PGM5: variants seen among roughly 807,000 people sequenced by gnomAD.
PGM5 encodes phosphoglucomutase 5.
Under a neutral mutation model 59.2 loss-of-function variants are expected in PGM5, and 23 were observed. The observed-to-expected ratio is 0.39, with a 90% confidence interval of 0.28 to 0.55. The LOEUF is 0.55. PGM5 is among the 20% of genes least tolerant of loss of function. The pLI, the probability that PGM5 is intolerant of heterozygous loss-of-function variation, is 0.66. For missense variants in PGM5, 574 were observed against 748.3 expected (o/e 0.77, Z 2.72); for synonymous variants, 214 against 286.0 (o/e 0.75, Z 2.54).
intron 9 of PGM5, among the ~76,000 whole-genome samples, chr9:68,491,267 C>T (rs572729542): frequency 1.3e-4 from 20 of 152,252 alleles, no homozygotes; most frequent in South Asian, 2.1e-4. Context: ...GTGTGCATAG[C>T]GGGGGAAACT....
At chr9:68,366,578 A>C (rs1554676705) in intron 1 of PGM5, among the ~76,000 whole-genome samples, 1 of 152,286 alleles carries the variant, frequency 6.6e-6, no homozygotes, top group African/African-American at 2.4e-5. Context: ...TTTCCTATCT[A>C]TTCCATATAC....
chr9:68,376,475 CTGTGTGTGTGTGTGTGTG>C (rs71353047), intron 1 of PGM5, among the ~76,000 whole-genome samples: 20 of 129,646 alleles, frequency 1.5e-4, no homozygotes, highest in East Asian at 4.8e-4. Context: ...TGCTTTTGAG[CTGTGTGTGTGTGTGTGTG>C]TGTGTGTGTG....
chr9:68,358,425 C>T (rs1343187592), intron 1 of PGM5, among the ~76,000 whole-genome samples: 1 of 152,230 alleles, frequency 6.6e-6, no homozygotes, highest in East Asian at 1.9e-4. Flanking sequence ...AGGACATCTA[C>T]AAGAGGGATA....
intron 6 of PGM5, among the ~76,000 whole-genome samples, chr9:68,457,892 A>G (rs1823803343): frequency 6.6e-6 from 1 of 152,220 alleles, no homozygotes; most frequent in Non-Finnish European, 1.5e-5. Flanking sequence ...AAGATGATTC[A>G]TGTCTTGCTA....
At chr9:68,407,182 G>A (rs1306874721) in intron 6 of PGM5, among the ~76,000 whole-genome samples, 1 of 152,080 alleles carries the variant, frequency 6.6e-6, no homozygotes, top group Non-Finnish European at 1.5e-5. Context: ...CTAGGCTGGA[G>A]GGCAGTGGCA....
chr9:68,387,692 C>G (rs1822262696), intron 4 of PGM5, 104 bp downstream of exon 4: 1 of 1,099,396 alleles, frequency 9.1e-7, no homozygotes. Flanking sequence ...TAGATATTCA[C>G]ACAACATGTG....
chr9:68,489,394 A>G (rs1824350032), intron 9 of PGM5, among the ~76,000 whole-genome samples: 1 of 151,584 alleles, frequency 6.6e-6, no homozygotes, highest in African/African-American at 2.4e-5. Context: ...TAAGCAACTG[A>G]GTCTCTTTTT....
At chr9:68,444,437 G>A (rs1554683894) in intron 6 of PGM5, among the ~76,000 whole-genome samples, 1 of 152,190 alleles carries the variant, frequency 6.6e-6, no homozygotes, top group East Asian at 1.9e-4. Context: ...GGAATGCAAT[G>A]GAAGGATAAG....
intron 6 of PGM5, among the ~76,000 whole-genome samples, chr9:68,418,218 G>A (rs1823068809): frequency 6.6e-6 from 1 of 152,136 alleles, no homozygotes; most frequent in African/African-American, 2.4e-5. Flanking sequence ...AGTCATATCA[G>A]CCTGCCCACA....
At chr9:68,483,379 C>T (rs1824231583) in intron 8 of PGM5, among the ~76,000 whole-genome samples, 1 of 152,038 alleles carries the variant, frequency 6.6e-6, no homozygotes, top group South Asian at 2.1e-4. Context: ...AAGGAAAGAA[C>T]GAGCCTGGTA....
At chr9:68,375,294 A>C (rs1309314265) in intron 1 of PGM5, among the ~76,000 whole-genome samples, 3 of 152,200 alleles carry the variant, frequency 2.0e-5, no homozygotes, top group Middle Eastern at 3.2e-3. Flanking sequence ...CAAAAAGGCA[A>C]AAATGCCAAA....
intron 1 of PGM5, among the ~76,000 whole-genome samples, chr9:68,368,832 A>ATGAGG (rs782125620): frequency 1.3e-5 from 2 of 152,042 alleles, no homozygotes; most frequent in Non-Finnish European, 1.5e-5. Context: ...TTTTGTAGAG[A>ATGAGG]TGAGGTCTTG....
At chr9:68,417,416 T>C (rs1346205497) in intron 6 of PGM5, among the ~76,000 whole-genome samples, 2 of 149,648 alleles carry the variant, frequency 1.3e-5, no homozygotes, top group South Asian at 2.1e-4. Flanking sequence ...GTACTTCCCC[T>C]GGGCCCGGGG....
chr9:68,499,961 T>A (rs1824545157), intron 10 of PGM5, among the ~76,000 whole-genome samples: 1 of 152,182 alleles, frequency 6.6e-6, no homozygotes, highest in African/African-American at 2.4e-5. Context: ...CATAAGCCTC[T>A]CCACTCCCAC....
intron 6 of PGM5, among the ~76,000 whole-genome samples, chr9:68,404,633 A>G (rs1822755823): frequency 2.0e-5 from 3 of 152,230 alleles, no homozygotes; most frequent in Admixed American, 2.0e-4. Flanking sequence ...GAATCCAGTC[A>G]TCTCATCTCT....
chr9:68,470,882 C>T (rs1323512415), intron 7 of PGM5, among the ~76,000 whole-genome samples: 1 of 152,278 alleles, frequency 6.6e-6, no homozygotes, highest in East Asian at 1.9e-4. Context: ...TAGGCTGGGC[C>T]AGAGCACAGA....
intron 6 of PGM5, among the ~76,000 whole-genome samples, chr9:68,411,526 A>C (rs1427205758): frequency 6.7e-6 from 1 of 149,060 alleles, no homozygotes; most frequent in African/African-American, 2.4e-5. Context: ...ATTTAAGGAC[A>C]ATCTAGAATT....
At chr9:68,418,078 G>A (rs993870081) in intron 6 of PGM5, among the ~76,000 whole-genome samples, 2 of 152,154 alleles carry the variant, frequency 1.3e-5, no homozygotes, top group African/African-American at 2.4e-5. Flanking sequence ...GCTGCTTTGG[G>A]GGCCACCAAG....
At chr9:68,403,001 A>C (rs1425349354) in intron 6 of PGM5, among the ~76,000 whole-genome samples, 1 of 152,198 alleles carries the variant, frequency 6.6e-6, no homozygotes, top group Non-Finnish European at 1.5e-5. Flanking sequence ...TCTAAGATAC[A>C]TGTGCAGGGT....
Sources: gnomAD v4.1 joint callset for allele counts (sites outside exome capture counted in the v4.1 genomes callset) on GRCh38, gnomAD v4.1.1 for gene constraint, MANE v1.5 for transcripts, NCBI Gene and HGNC (gene_info 2026-07-23, HGNC 2026-07-21) for gene names.